The following DAW1 variants were observed in gnomAD, a reference collection of about 807,000 sequenced individuals.
DAW1 encodes dynein assembly factor with WD repeat domains 1.
DAW1 carries 47 observed loss-of-function variants against 56.5 expected under a neutral mutation model. The observed-to-expected ratio is 0.83, with a 90% confidence interval of 0.66 to 1.06. The LOEUF (loss-of-function observed/expected upper bound fraction) is 1.06. Among genes scored for constraint, DAW1 ranks in the 50% least tolerant of loss-of-function variants. The pLI, the probability that DAW1 is intolerant of heterozygous loss-of-function variation, is 0.00. For synonymous variants in DAW1, 190 were observed against 179.0 expected (o/e 1.06, Z -0.49); for missense variants, 505 against 499.3 (o/e 1.01, Z -0.11).
At chr2:227,896,902 G>A (rs1323125871) in intron 5 of DAW1, among the ~76,000 whole-genome samples, 1 of 151,890 alleles carries the variant, frequency 6.6e-6, no homozygotes, top group African/African-American at 2.4e-5. Context: ...AATGTACATA[G>A]TGAGACCTCA....
At position 227,918,860 on chromosome 2, in the gene DAW1, AG is replaced by A. The variant is rs1692036740; in HGVS notation, c.1050+5del. On this transcript the variant is annotated splice_donor_5th_base_variant and intron_variant, in intron 11 of 12. Transcript: ENST00000309931. ...TCATGAAGGTGAAATTTCAAAGGTGAGTCGCTTTCTCATTTGGAGGAGTTTA... is the reference window on the plus strand; with the variant it reads ...TCATGAAGGTGAAATTTCAAAGGTGATCGCTTTCTCATTTGGAGGAGTTTA... The A allele has an allele frequency of 1.2e-6, 2 of 1,613,906 alleles. No homozygotes were observed.
intron 1 of DAW1, among the ~76,000 whole-genome samples, chr2:227,884,862 G>T (rs553516444): frequency 6.6e-6 from 1 of 152,240 alleles, no homozygotes; most frequent in East Asian, 1.9e-4. Context: ...TTTGTTGATG[G>T]GGCTGCAGCC....
rs927666488 is a variant in DAW1 at position 227,886,362 on chromosome 2, A to C, written c.113+939A>C. Among the ~76,000 whole-genome samples the C allele has an allele frequency of 2.6e-5, 4 of 152,114 alleles. No individual in the cohort carries two copies. The South Asian group carries it at 8.3e-4, about 31-fold the overall frequency. ...CTGGGCGTGGTTGCTCACACTTGTA[A>C]TTTCAGCACTTTAGGAGGCCGAGGC... On this transcript the variant is annotated intron_variant, in intron 2 of 12. Coordinates refer to ENST00000309931, the MANE Select transcript of DAW1 (RefSeq NM_178821.3).
intron 10 of DAW1, among the ~76,000 whole-genome samples, chr2:227,911,286 A>ATACATATACACATGTATATC: frequency 6.7e-6 from 1 of 148,374 alleles, no homozygotes; most frequent in Non-Finnish European, 1.5e-5. Flanking sequence ...ACGTGTATAT[A>ATACATATACACATGTATATC]TACATATATA....
intron 7 of DAW1, among the ~76,000 whole-genome samples, chr2:227,903,408 A>T (rs1488274167): frequency 6.6e-6 from 1 of 152,226 alleles, no homozygotes; most frequent in Admixed American, 6.5e-5. Context: ...CTTTTGGAAG[A>T]GGCAGAACTG....
At chr2:227,896,530 C>A (rs1029749417) in intron 5 of DAW1, among the ~76,000 whole-genome samples, 1 of 151,636 alleles carries the variant, frequency 6.6e-6, no homozygotes, top group Non-Finnish European at 1.5e-5. Context: ...TTTCTCATTG[C>A]ACTTTGGGGT....
chr2:227,872,794 G>A (rs73996708), intron 1 of DAW1, among the ~76,000 whole-genome samples: 2,067 of 146,662 alleles, frequency 0.014, 48 homozygotes, highest in African/African-American at 0.049. Context: ...CAGATTTCTT[G>A]GTCTAACATC....
At chr2:227,879,686 G>A (rs922091750) in intron 1 of DAW1, among the ~76,000 whole-genome samples, 1 of 151,684 alleles carries the variant, frequency 6.6e-6, no homozygotes, top group African/African-American at 2.4e-5. Context: ...TTGTAATCAA[G>A]CTGGAATATT....
At chr2:227,882,535 G>A (rs1691034959) in intron 1 of DAW1, among the ~76,000 whole-genome samples, 1 of 152,210 alleles carries the variant, frequency 6.6e-6, no homozygotes, top group Non-Finnish European at 1.5e-5. Context: ...TAACATAGGA[G>A]TGCATGTATT....
chr2:227,896,374 A>G (rs1045424573), intron 5 of DAW1, among the ~76,000 whole-genome samples: 1 of 152,166 alleles, frequency 6.6e-6, no homozygotes, highest in African/African-American at 2.4e-5. Context: ...TTGGGTGTCT[A>G]TCTGAGAATG....
At chr2:227,918,908 G>C in intron 11 of DAW1, 52 bp downstream of exon 11, 1 of 1,579,602 alleles carries the variant, frequency 6.3e-7, no homozygotes, top group Non-Finnish European at 8.7e-7. Context: ...AAAATAAAGA[G>C]CAGGGCCCAG....
At chr2:227,912,280 T>C (rs3748862) in intron 10 of DAW1, 410,667 of 804,964 alleles carry the variant, frequency 0.51, 107,466 homozygotes, top group Non-Finnish European at 0.54. Context: ...TCGCCCAGGC[T>C]GGAGTGCAGT....
chr2:227,921,277 C>T, intron 11 of DAW1, 122 bp from the exon 12 acceptor site: 1 of 1,041,494 alleles, frequency 9.6e-7, no homozygotes, highest in Non-Finnish European at 1.3e-6. Flanking sequence ...AAATACCAGA[C>T]TAGGAAGGTG....
chr2:227,912,261 C>T lies in DAW1; in HGVS notation c.973+5009C>T, dbSNP rs1376669215. On this transcript the variant is annotated intron_variant, in intron 10 of 12. Coordinates refer to ENST00000309931, the MANE Select transcript of DAW1 (RefSeq NM_178821.3). ...TTTCTTTTTTTCTTTGAGATGGAGT[C>T]TCGCTCTGTCGCCCAGGCTGGAGTG... 3 of 594,702 alleles carry T rather than the reference C, an allele frequency of 5.0e-6. No individual in the cohort carries two copies. In the African/African-American group the frequency reaches 5.8e-5, roughly 11 times the overall value. 36.8% of individuals were successfully genotyped at this position (594,702 alleles called of 1,614,324 possible).
intron 1 of DAW1, chr2:227,872,017 T>C: frequency 2.1e-6 from 1 of 468,348 alleles, no homozygotes; most frequent in Non-Finnish European, 3.8e-6. Context: ...TGCTCTCTGC[T>C]ATGGACCTTT....
intron 9 of DAW1, among the ~76,000 whole-genome samples, chr2:227,906,862 C>G (rs1377182993): frequency 6.6e-6 from 1 of 152,170 alleles, no homozygotes; most frequent in Non-Finnish European, 1.5e-5. Flanking sequence ...AAAGCATACA[C>G]GTTGAGATAT....
Position 227,918,869 on chromosome 2 carries a change from C to T in DAW1, c.1050+13C>T. Reference sequence around the variant, plus strand: ...TGAAATTTCAAAGGTGAGTCGCTTTCTCATTTGGAGGAGTTTATTTACTTT... The same window carrying T: ...TGAAATTTCAAAGGTGAGTCGCTTTTTCATTTGGAGGAGTTTATTTACTTT... On this transcript the variant is annotated intron_variant, in intron 11 of 12. Coordinates refer to ENST00000309931, the MANE Select transcript of DAW1 (RefSeq NM_178821.3). The T allele has an allele frequency of 6.2e-7, 1 of 1,611,548 alleles. No individual in the cohort carries two copies. The highest frequency in any genetic ancestry group is 8.5e-7 in the Non-Finnish European group (1 of 1,178,760).
At chr2:227,919,572 T>G (rs1390959868) in intron 11 of DAW1, among the ~76,000 whole-genome samples, 2 of 152,212 alleles carry the variant, frequency 1.3e-5, no homozygotes, top group Non-Finnish European at 2.9e-5. Flanking sequence ...ATTGAGGAAG[T>G]AGTTCCTGGA....
chr2:227,904,866 T>G, intron 7 of DAW1, 63 bp from the exon 8 acceptor site: 1 of 1,452,146 alleles, frequency 6.9e-7, no homozygotes, highest in African/African-American at 1.4e-5. Flanking sequence ...GACTATGATA[T>G]TGTACGCTTG....
Sources: allele counts gnomAD v4.1 joint callset (sites outside exome capture counted in the v4.1 genomes callset), GRCh38; gene constraint gnomAD v4.1.1; transcripts MANE v1.5; gene names NCBI Gene and HGNC (gene_info 2026-07-23, HGNC 2026-07-21).